Variants in ABHD12B observed in about 807,000 individuals in gnomAD.
The protein encoded by ABHD12B is protein ABHD12B.
In ABHD12B, 42 loss-of-function variants were observed where a neutral mutation model predicts 50.4. The observed-to-expected ratio is 0.83, with a 90% CI of 0.65 to 1.08. The LOEUF is 1.08. Ranked by LOEUF, ABHD12B falls within the 50% of genes least tolerant of loss-of-function variation. The pLI is 0.00. For synonymous variants in ABHD12B, 167 were observed against 160.3 expected (o/e 1.04, Z -0.32); for missense variants, 479 against 447.7 (o/e 1.07, Z -0.63).
At chr14:50,884,939 G>A (rs115415508) in intron 5 of ABHD12B, among the ~76,000 whole-genome samples, 1,751 of 152,094 alleles carry the variant, frequency 0.012, 32 homozygotes, top group African/African-American at 0.04. Context: ...AATATAAATA[G>A]CTTCCCCTTT....
chr14:50,885,931 C>A (rs778040935), intron 7 of ABHD12B, 36 bp downstream of exon 7: 1 of 1,611,308 alleles, frequency 6.2e-7, no homozygotes, highest in Admixed American at 1.7e-5. Context: ...TTAGGCAGGT[C>A]CTTGAGGCTT....
Position 50,903,422 on chromosome 14 carries a change from A to T in ABHD12B, c.897A>T (p.Leu299Phe), listed in dbSNP as rs1314027786. The T allele has an allele frequency of 1.2e-6, 2 of 1,612,682 alleles. No homozygotes were observed. Among genetic ancestry groups the T allele is most frequent in the Admixed American group, 3.3e-5 (2 of 59,886 alleles). Residue 299 changes from leucine (L) to phenylalanine (F), a missense_variant, in exon 11 of 13, where the codon TTA becomes TTT. Coordinates refer to ENST00000337334, the MANE Select transcript of ABHD12B (RefSeq NM_001206673.2). Reference sequence around the variant, plus strand: ...TCCTTTCTTCTCCTCTTCTCATCTTACATGGAGAGGATGACAGGACAGTGC... The same window carrying T: ...TCCTTTCTTCTCCTCTTCTCATCTTTCATGGAGAGGATGACAGGACAGTGC... The part of the protein sequence containing the change: ...VKFLSSPLLI[L>F]HGEDDRTVPL...
chr14:50,888,725 C>T (rs749837687), intron 8 of ABHD12B, 99 bp from the exon 9 acceptor site: 66 of 986,152 alleles, frequency 6.7e-5, no homozygotes, highest in Non-Finnish European at 8.4e-5. Context: ...TTTTGATGCA[C>T]GTAGCTCATG....
In ABHD12B at chr14:50,872,127, G is replaced by T; in HGVS notation, c.-48G>T. ...CGGGAAGGTCGCGGGCGGCTGCTCC[G>T]GACTGCAGCTCCCGCGGCGGTGGCG... On this transcript the variant is annotated 5_prime_UTR_variant, in exon 1 of 13. Coordinates refer to ENST00000337334, the MANE Select transcript of ABHD12B (RefSeq NM_001206673.2). The T allele has an allele frequency of 2.4e-6, 3 of 1,226,176 alleles. No homozygotes were observed. The highest frequency in any genetic ancestry group is 2.9e-5 in the South Asian group (1 of 34,864). The allele number at this position is 1,226,176 out of a possible 1,614,324, so 76.0% of individuals were successfully genotyped here.
At position 50,904,920 on chromosome 14, in the gene ABHD12B, C is replaced by T. The variant is rs1596027879; in HGVS notation, c.*554C>T. 4.1e-6 allele frequency: 1 copy of T among 241,362 alleles called. No individual in the cohort carries two copies. The highest frequency in any genetic ancestry group is 1.2e-4 in the East Asian group (1 of 8,686). The allele number at this position is 241,362 out of a possible 1,614,324, so 15.0% of individuals were successfully genotyped here. The stretch of plus-strand genomic sequence containing the variant: ...AATCAGCCAGTGCCTTGCTCTTGGA[C>T]TTCCCAGCCCCCAGAACTGTGAGAA... On this transcript the variant is annotated 3_prime_UTR_variant, in exon 13 of 13. Transcript: ENST00000337334.
intron 10 of ABHD12B, 22 bp downstream of exon 10, chr14:50,901,933 A>G (rs772100713): frequency 1.3e-6 from 2 of 1,518,118 alleles, no homozygotes; most frequent in East Asian, 2.3e-5. Context: ...ATGAAAAGAC[A>G]TGCATTATTA....
intron 9 of ABHD12B, among the ~76,000 whole-genome samples, chr14:50,889,868 A>G (rs985878185): frequency 3.9e-5 from 6 of 152,200 alleles, no homozygotes; most frequent in Non-Finnish European, 7.3e-5. Flanking sequence ...TAACAACTTT[A>G]GGAATTTTTT....
chr14:50,888,892 C>A lies in ABHD12B; in HGVS notation c.769C>A (p.Pro257Thr), dbSNP rs2050078543. The A allele has an allele frequency of 3.7e-6, 6 of 1,614,000 alleles. No homozygotes were observed. The highest frequency in any genetic ancestry group is 5.1e-6 in the Non-Finnish European group (6 of 1,179,926). The change falls in exon 9 of 13, where the codon CCC becomes ACC. Residue 257 changes from proline to threonine, a missense_variant. Physicochemically the swap from Pro to Thr is conservative, Grantham distance 38 (BLOSUM62 -1). Coordinates refer to ENST00000337334, the MANE Select transcript of ABHD12B (RefSeq NM_001206673.2). The part of the protein sequence containing the change: ...TNMWVASINY[P>T]LLKIYRNIPG... ...CATGTGGGTTGCAAGTATCAATTAT[C>A]CCTTGTTAAAGGTGAGACTCTGATT...
At chr14:50,882,570 C>T (rs763690812) in intron 5 of ABHD12B, among the ~76,000 whole-genome samples, 27 of 151,544 alleles carry the variant, frequency 1.8e-4, no homozygotes, top group Non-Finnish European at 2.1e-4. Context: ...TTAGTAGAGA[C>T]AGGGTTTCAC....
At chr14:50,884,537 TA>T (rs2050006625) in intron 5 of ABHD12B, among the ~76,000 whole-genome samples, 1 of 152,180 alleles carries the variant, frequency 6.6e-6, no homozygotes, top group Non-Finnish European at 1.5e-5. Context: ...TGGGTGATGT[TA>T]AATAAGTTAC....
intron 10 of ABHD12B, among the ~76,000 whole-genome samples, chr14:50,902,795 G>A (rs2050276328): frequency 6.6e-6 from 1 of 152,218 alleles, no homozygotes; most frequent in Non-Finnish European, 1.5e-5. Flanking sequence ...AGCATTGCTT[G>A]AGAAAGTAAC....
intron 1 of ABHD12B, among the ~76,000 whole-genome samples, chr14:50,872,601 T>C (rs2049802461): frequency 6.6e-6 from 1 of 152,234 alleles, no homozygotes; most frequent in African/African-American, 2.4e-5. Flanking sequence ...CTCTATTATC[T>C]GACCATTTTG....
Position 50,901,806 on chromosome 14 carries a change from T to C in ABHD12B, c.781-23T>C. On this transcript the variant is annotated intron_variant, in intron 9 of 12. Coordinates refer to ENST00000337334, the MANE Select transcript of ABHD12B (RefSeq NM_001206673.2). ...GCATAGCTATGGGGCAAATATTAAT[T>C]TTTTTTTCTTTTTTAAAAATAGATT... is the stretch of plus-strand genomic sequence containing the variant. 3.3e-6 allele frequency: 5 copies of C among 1,526,564 alleles called. No homozygotes were observed. In the South Asian group the frequency reaches 6.0e-5, roughly 18 times the overall value. The allele number at this position is 1,526,564 out of a possible 1,614,324, so 94.6% of individuals were successfully genotyped here.
chr14:50,892,567 G>A (rs2050134476), intron 9 of ABHD12B: 1 of 985,408 alleles, frequency 1.0e-6, no homozygotes, highest in Non-Finnish European at 1.2e-6. Flanking sequence ...CACAGCAGAA[G>A]TTAATTAATT....
rs551156102 is a variant in ABHD12B, at chr14:50,880,083, C to T, written c.336-369C>T. Among the ~76,000 whole-genome samples, 157 of 152,308 alleles carry T rather than the reference C, an allele frequency of 1.0e-3. 1 individual carries two copies. The highest frequency in any genetic ancestry group is 2.8e-3 in the African/African-American group (116 of 41,566). ...TTAAATTATTTCCTACTTATCTCTTCGGCCGAACTCATGGCAGATGGTAAA... is the reference window on the plus strand; with the variant it reads ...TTAAATTATTTCCTACTTATCTCTTTGGCCGAACTCATGGCAGATGGTAAA... On this transcript the variant is annotated intron_variant, in intron 3 of 12. Coordinates refer to ENST00000337334, the MANE Select transcript of ABHD12B (RefSeq NM_001206673.2).
intron 10 of ABHD12B, among the ~76,000 whole-genome samples, chr14:50,902,550 C>T (rs189132646): frequency 1.7e-4 from 26 of 152,250 alleles, no homozygotes; most frequent in Non-Finnish European, 2.9e-4. Flanking sequence ...GGCCCTTTTC[C>T]CCATATAATG....
intron 9 of ABHD12B, among the ~76,000 whole-genome samples, chr14:50,895,402 A>G (rs1241470869): frequency 5.9e-5 from 9 of 151,984 alleles, no homozygotes; most frequent in East Asian, 1.9e-4. Context: ...GAACCGCAGC[A>G]GCCAGGCGTT....
intron 8 of ABHD12B, among the ~76,000 whole-genome samples, chr14:50,887,670 T>G (rs899912771): frequency 6.6e-6 from 1 of 152,212 alleles, no homozygotes; most frequent in Non-Finnish European, 1.5e-5. Flanking sequence ...TATAATTTAC[T>G]CTTCTCCTGA....
intron 9 of ABHD12B, among the ~76,000 whole-genome samples, chr14:50,890,334 A>G (rs2050100806): frequency 6.6e-6 from 1 of 152,186 alleles, no homozygotes; most frequent in African/African-American, 2.4e-5. Context: ...ACACCCATGT[A>G]ACTATTACCT....
Sources: allele counts gnomAD v4.1 joint callset (sites outside exome capture counted in the v4.1 genomes callset), GRCh38; gene constraint gnomAD v4.1.1; transcripts MANE v1.5; gene names NCBI Gene and HGNC (gene_info 2026-07-23, HGNC 2026-07-21).